The following HIPK1 variants were observed in gnomAD, a reference collection of about 807,000 sequenced individuals.
HIPK1 encodes the protein homeodomain interacting protein kinase 1.
A neutral mutation model predicts 117.1 loss-of-function variants in HIPK1; 28 were observed. The ratio of observed to expected loss-of-function variants is 0.24; its 90% CI spans 0.18 to 0.33. The LOEUF is 0.33. Ranked by LOEUF, HIPK1 falls within the 10% of genes least tolerant of loss-of-function variation. HIPK1 has a pLI of 1.00. For missense variants in HIPK1, 1,122 were observed against 1,475.1 expected (o/e 0.76, Z 3.92); for synonymous variants, 605 against 562.5 (o/e 1.08, Z -1.07).
chr1:113,950,119 A>T (rs961483327), intron 2 of HIPK1, among the ~76,000 whole-genome samples: 2 of 149,742 alleles, frequency 1.3e-5, no homozygotes, highest in African/African-American at 4.9e-5. Flanking sequence ...CTAGGGGAGG[A>T]TTTTTTTTTT....
At chr1:113,968,846 C>T (rs1411349644) in intron 13 of HIPK1, among the ~76,000 whole-genome samples, 198 bp downstream of exon 13, 2 of 152,206 alleles carry the variant, frequency 1.3e-5, no homozygotes, top group East Asian at 3.8e-4. Flanking sequence ...CATGGCACAA[C>T]CCTGTCTCTA....
rs1673115152 is a variant in HIPK1 at position 113,975,974 on chromosome 1, A to G, written c.*2462A>G. 6.5e-6 allele frequency: 1 copy of G among 152,760 alleles called. No homozygotes were observed. Among genetic ancestry groups the G allele is most frequent in the Middle Eastern group, 3.4e-3 (1 of 294 alleles). 9.5% of individuals were successfully genotyped at this position (152,760 alleles called of 1,614,324 possible). On this transcript the variant is annotated 3_prime_UTR_variant, in exon 16 of 16. Coordinates refer to ENST00000426820, the MANE Select transcript of HIPK1 (RefSeq NM_198268.3). ...CTGAATTGAAAATGATATATTTGAG[A>G]TATAATTTTAGGACTGGTTCTGTGT...
Position 113,973,547 on chromosome 1 carries a change from C to G in HIPK1, c.*35C>G. The G allele has an allele frequency of 6.5e-7, 1 of 1,544,206 alleles. No homozygotes were observed. Among genetic ancestry groups the G allele is most frequent in the African/African-American group, 1.4e-5 (1 of 73,184 alleles). ...ATGAGGGAGGAGGAATCATGGCTAC[C>G]TTCTCCTGGCCCTGCGTTCTTAATA... On this transcript the variant is annotated 3_prime_UTR_variant, in exon 16 of 16. Coordinates refer to ENST00000426820, the MANE Select transcript of HIPK1 (RefSeq NM_198268.3).
At chr1:113,932,919 A>T (rs923106876) in intron 1 of HIPK1, among the ~76,000 whole-genome samples, 2 of 152,094 alleles carry the variant, frequency 1.3e-5, no homozygotes, top group Non-Finnish European at 2.9e-5. Flanking sequence ...TGCCTTACTT[A>T]AGTCCCGTTT....
chr1:113,956,177 C>G (rs961547363), intron 5 of HIPK1, among the ~76,000 whole-genome samples: 1 of 149,482 alleles, frequency 6.7e-6, no homozygotes, highest in South Asian at 2.1e-4. Context: ...CGGGTTCAAG[C>G]GATTCTCCTG....
chr1:113,940,960 T>C lies in HIPK1; in HGVS notation c.577T>C (p.Leu193=). 6.2e-7 allele frequency: 1 copy of C among 1,614,154 alleles called. No individual in the cohort carries two copies. The highest frequency in any genetic ancestry group is 8.5e-7 in the Non-Finnish European group (1 of 1,180,036). ...CTCTATGACCAATAGCTATGAAGTCTTGGAGTTCCTAGGCCGGGGGACATT... is the reference window on the plus strand; with the variant it reads ...CTCTATGACCAATAGCTATGAAGTCCTGGAGTTCCTAGGCCGGGGGACATT... ...LCSMTNSYEV[L]EFLGRGTFGQ... Residue 193 remains leucine (L), a synonymous_variant, in exon 2 of 16, where the codon TTG becomes CTG. Transcript: ENST00000426820.
At chr1:113,930,026 T>A in intron 1 of HIPK1, 3 of 984,938 alleles carry the variant, frequency 3.0e-6, no homozygotes, top group Non-Finnish European at 3.6e-6. Context: ...CCGCCGGCTC[T>A]CCTGGAGCGC....
chr1:113,930,253 C>G (rs566295965), intron 1 of HIPK1, among the ~76,000 whole-genome samples: 9 of 152,376 alleles, frequency 5.9e-5, no homozygotes, highest in African/African-American at 1.2e-4. Context: ...TCTCCTCACT[C>G]GGCCGGTTTT....
At chr1:113,958,574 C>T (rs1405724717) in intron 8 of HIPK1, among the ~76,000 whole-genome samples, 3 of 152,088 alleles carry the variant, frequency 2.0e-5, no homozygotes, top group Admixed American at 1.3e-4. Context: ...CAATGTCGTA[C>T]GTCTTGTATA....
Position 113,956,670 on chromosome 1 carries a change from A to C in HIPK1, c.1451A>C (p.Glu484Ala). Residue 484 changes from glutamate to alanine, a missense_variant, in exon 6 of 16, where the codon GAG (glutamate) becomes GCG (alanine). Transcript: ENST00000426820. ...CTGGAGGGAACAGACATGTTGGCAG[A>C]GAAGGCAGACCGAAGAGAATACATT... Reference protein sequence around the residue: ...TDLEGTDMLAEKADRREYIDL... With the variant: ...TDLEGTDMLAAKADRREYIDL... 6.2e-7 allele frequency: 1 copy of C among 1,614,148 alleles called. No homozygotes were observed. The highest frequency in any genetic ancestry group is 8.5e-7 in the Non-Finnish European group (1 of 1,179,964).
At chr1:113,948,947 C>T (rs2101250357) in intron 2 of HIPK1, among the ~76,000 whole-genome samples, 1 of 152,256 alleles carries the variant, frequency 6.6e-6, no homozygotes, top group South Asian at 2.1e-4. Context: ...AAGCGATTCT[C>T]CTGCCTCAGC....
At chr1:113,965,079 G>T (rs1672361375) in intron 10 of HIPK1, among the ~76,000 whole-genome samples, 1 of 152,174 alleles carries the variant, frequency 6.6e-6, no homozygotes, top group Non-Finnish European at 1.5e-5. Flanking sequence ...TAGCAGACGT[G>T]TTTGCAGTTT....
chr1:113,948,898 C>T (rs928091276), intron 2 of HIPK1, among the ~76,000 whole-genome samples: 6 of 152,156 alleles, frequency 3.9e-5, no homozygotes, highest in South Asian at 2.1e-4. Context: ...AGTGAATTGA[C>T]GTAATCTTGG....
chr1:113,956,529 C>T, intron 5 of HIPK1, 98 bp from the exon 6 acceptor site: 1 of 759,054 alleles, frequency 1.3e-6, no homozygotes, highest in Non-Finnish European at 2.1e-6. Flanking sequence ...CTTTTGATTA[C>T]ATATATACAC....
At position 113,967,925 on chromosome 1, in the gene HIPK1, G is replaced by A. The variant is rs1672562254; in HGVS notation, c.2541G>A (p.Lys847=). Residue 847 remains lysine, a synonymous_variant, in exon 12 of 16, where the codon AAG becomes AAA. Transcript: ENST00000426820. The stretch of plus-strand genomic sequence containing the variant: ...GTTCCCTCCCTTCGAAGAAGAATAA[G>A]CAGTCAGCTCCAGTCTCTTCCAAGT... ...QSSSLPSKKN[K]QSAPVSSKSS... The A allele has an allele frequency of 6.2e-7, 1 of 1,608,210 alleles. No homozygotes were observed.
chr1:113,933,296 G>C, intron 1 of HIPK1: 1 of 646,384 alleles, frequency 1.5e-6, no homozygotes, highest in Non-Finnish European at 1.9e-6. Context: ...GAGGAAACAT[G>C]TTGAAGGAAC....
chr1:113,950,531 G>A (rs1023796056), intron 2 of HIPK1, among the ~76,000 whole-genome samples: 5 of 152,170 alleles, frequency 3.3e-5, no homozygotes, highest in African/African-American at 1.2e-4. Flanking sequence ...TTGAGATGGA[G>A]TCTCGCTCTG....
chr1:113,957,029 T>A, intron 6 of HIPK1, 95 bp from the exon 7 acceptor site: 1 of 1,070,942 alleles, frequency 9.3e-7, no homozygotes, highest in East Asian at 2.4e-5. Context: ...TGAAAGTGAT[T>A]GGGAAAAAAA....
chr1:113,952,944 AT>A, intron 3 of HIPK1, 55 bp downstream of exon 3: 1 of 1,401,632 alleles, frequency 7.1e-7, no homozygotes, highest in Non-Finnish European at 9.4e-7. Flanking sequence ...TGTGAATTAG[AT>A]TCTGGAGAAA....
Sources: gnomAD v4.1 joint callset for allele counts (sites outside exome capture counted in the v4.1 genomes callset) on GRCh38, gnomAD v4.1.1 for gene constraint, MANE v1.5 for transcripts, NCBI Gene and HGNC (gene_info 2026-07-23, HGNC 2026-07-21) for gene names.